SEMA3E: variants seen among roughly 807,000 people sequenced by gnomAD.
SEMA3E encodes semaphorin-3E.
In SEMA3E, 49 loss-of-function variants were observed where a neutral mutation model predicts 93.6. The ratio of observed to expected loss-of-function variants is 0.52; its 90% CI spans 0.42 to 0.66. SEMA3E has a LOEUF of 0.66. SEMA3E is among the 30% of genes least tolerant of loss of function. SEMA3E has a pLI of 0.00. For missense variants in SEMA3E, 906 were observed against 964.8 expected (o/e 0.94, Z 0.81); for synonymous variants, 363 against 330.7 (o/e 1.10, Z -1.06).
intron 1 of SEMA3E, among the ~76,000 whole-genome samples, chr7:83,526,779 A>T (rs937512258): frequency 6.6e-6 from 1 of 152,142 alleles, no homozygotes; most frequent in Non-Finnish European, 1.5e-5. Flanking sequence ...GAATATTTTT[A>T]AAATGTGTAT....
intron 1 of SEMA3E, among the ~76,000 whole-genome samples, chr7:83,499,637 T>A (rs532877425): frequency 5.3e-5 from 8 of 152,294 alleles, no homozygotes; most frequent in African/African-American, 1.9e-4. Context: ...GGCCTTTAAA[T>A]GTAGAAATTC....
At position 83,623,976 on chromosome 7, in the gene SEMA3E, T is replaced by C. The variant is rs189180434; in HGVS notation, c.115+24452A>G. 1.2e-4 allele frequency among the ~76,000 whole-genome samples: 19 copies of C among 152,106 alleles called. No individual in the cohort carries two copies. In the East Asian group the frequency reaches 3.5e-3, roughly 28 times the overall value. On this transcript the variant is annotated intron_variant, in intron 1 of 16. Coordinates refer to ENST00000643230, the MANE Select transcript of SEMA3E (RefSeq NM_012431.3). ...ACTTATGAGTGAGAATATACAATGTTTGGTTTTCTGTTCCTGTGTTAGTTT... is the reference window on the plus strand; with the variant it reads ...ACTTATGAGTGAGAATATACAATGTCTGGTTTTCTGTTCCTGTGTTAGTTT...
At chr7:83,458,411 A>C (rs1300566877) in intron 4 of SEMA3E, among the ~76,000 whole-genome samples, 1 of 152,080 alleles carries the variant, frequency 6.6e-6, no homozygotes, top group Non-Finnish European at 1.5e-5. Context: ...ACAAAGACTA[A>C]AGAGATTTTT....
chr7:83,456,742 T>C (rs1789489169), intron 4 of SEMA3E, among the ~76,000 whole-genome samples: 1 of 151,886 alleles, frequency 6.6e-6, no homozygotes, highest in African/African-American at 2.4e-5. Context: ...GCCTCCTGAG[T>C]AGTCAGGATT....
rs201917034 is a variant in SEMA3E at position 83,396,212 on chromosome 7, ATTGT to A, written c.1458+422_1458+425del. ...CATGTCTTTTTTATTATCATCTTCT[ATTGT>A]TTTTCTTTTTTAGTAAATTATTTGT... On this transcript the variant is annotated intron_variant, in intron 12 of 16. Transcript: ENST00000643230. Among the ~76,000 whole-genome samples, 1,098 of 151,986 alleles carry A rather than the reference ATTGT, an allele frequency of 7.2e-3. 27 individuals are homozygous for A. In the East Asian group the frequency reaches 0.09, roughly 12 times the overall value.
intron 1 of SEMA3E, among the ~76,000 whole-genome samples, chr7:83,511,680 T>C (rs1048271299): frequency 8.6e-5 from 13 of 151,894 alleles, no homozygotes; most frequent in African/African-American, 2.9e-4. Context: ...AGTTCAGGGG[T>C]TCGAGACCAG....
At chr7:83,618,593 G>A (rs960829073) in intron 1 of SEMA3E, among the ~76,000 whole-genome samples, 1 of 151,880 alleles carries the variant, frequency 6.6e-6, no homozygotes, top group Non-Finnish European at 1.5e-5. Flanking sequence ...TCAAGTATTG[G>A]TAAAATTTAC....
At chr7:83,521,374 T>C (rs1489022131) in intron 1 of SEMA3E, among the ~76,000 whole-genome samples, 1 of 152,202 alleles carries the variant, frequency 6.6e-6, no homozygotes, top group Non-Finnish European at 1.5e-5. Flanking sequence ...ACGAGAAAAT[T>C]ACATATAGGA....
intron 1 of SEMA3E, among the ~76,000 whole-genome samples, chr7:83,634,574 G>GT (rs937126261): frequency 6.6e-6 from 1 of 151,692 alleles, no homozygotes; most frequent in Admixed American, 6.6e-5. Context: ...TCTTTTGATT[G>GT]TTTTTTTAAT....
intron 1 of SEMA3E, among the ~76,000 whole-genome samples, chr7:83,584,392 G>A (rs1266904015): frequency 1.3e-5 from 2 of 151,936 alleles, no homozygotes; most frequent in Non-Finnish European, 2.9e-5. Flanking sequence ...CCCAATCTTT[G>A]ATAAATTTAT....
At chr7:83,398,080 A>G (rs1788160486) in intron 11 of SEMA3E, among the ~76,000 whole-genome samples, 1 of 152,180 alleles carries the variant, frequency 6.6e-6, no homozygotes, top group Non-Finnish European at 1.5e-5. Flanking sequence ...GGATTTTTCA[A>G]TGTTGTACCC....
intron 1 of SEMA3E, among the ~76,000 whole-genome samples, chr7:83,556,530 A>G (rs1791897942): frequency 6.6e-6 from 1 of 152,186 alleles, no homozygotes; most frequent in South Asian, 2.1e-4. Flanking sequence ...GGGGCCAGGG[A>G]ACAAGTTGTC....
intron 7 of SEMA3E, 63 bp from the exon 8 acceptor site, chr7:83,406,122 T>C: frequency 8.4e-7 from 1 of 1,191,156 alleles, no homozygotes; most frequent in Non-Finnish European, 1.3e-6. Context: ...ACAGATTTCA[T>C]ATTATTAAAC....
intron 4 of SEMA3E, among the ~76,000 whole-genome samples, chr7:83,461,783 C>T (rs916279010): frequency 3.9e-5 from 6 of 152,180 alleles, no homozygotes; most frequent in Non-Finnish European, 7.3e-5. Flanking sequence ...TAATTAACCT[C>T]GCCTTCAAGG....
At chr7:83,393,039 CA>C (rs59283673) in intron 13 of SEMA3E, among the ~76,000 whole-genome samples, 153 of 128,840 alleles carry the variant, frequency 1.2e-3, no homozygotes, top group African/African-American at 3.1e-3. Flanking sequence ...AACTCCATCT[CA>C]AAAAAAAAAA....
intron 1 of SEMA3E, among the ~76,000 whole-genome samples, chr7:83,611,607 T>C: frequency 6.6e-6 from 1 of 151,486 alleles, no homozygotes; most frequent in Non-Finnish European, 1.5e-5. Flanking sequence ...GAATCATCCT[T>C]GGTACCTCTC....
chr7:83,565,028 C>T (rs557311072), intron 1 of SEMA3E, among the ~76,000 whole-genome samples: 67 of 152,212 alleles, frequency 4.4e-4, no homozygotes, highest in Middle Eastern at 6.8e-3. Context: ...CCACTGATCC[C>T]ACAGAAATAC....
At chr7:83,486,220 G>T (rs1020208059) in intron 2 of SEMA3E, among the ~76,000 whole-genome samples, 1 of 152,094 alleles carries the variant, frequency 6.6e-6, no homozygotes, top group Non-Finnish European at 1.5e-5. Context: ...AGATAGGTAA[G>T]CTAAATTAAG....
chr7:83,490,058 C>T (rs1790347229), intron 2 of SEMA3E, 56 bp downstream of exon 2: 2 of 1,553,054 alleles, frequency 1.3e-6, no homozygotes, highest in Non-Finnish European at 1.8e-6. Flanking sequence ...AAGTAACATT[C>T]TTGAAATTTC....
Sources: gnomAD v4.1 joint callset for allele counts (sites outside exome capture counted in the v4.1 genomes callset) on GRCh38, gnomAD v4.1.1 for gene constraint, MANE v1.5 for transcripts, NCBI Gene and HGNC (gene_info 2026-07-23, HGNC 2026-07-21) for gene names.